The following GRHL3 variants were observed in gnomAD, a reference collection of about 807,000 sequenced individuals.
GRHL3 encodes grainyhead-like protein 3 homolog.
In GRHL3, 20 loss-of-function variants were observed where a neutral mutation model predicts 70.3. That is an observed-to-expected ratio of 0.28 (90% CI 0.20 to 0.41). GRHL3 has a LOEUF of 0.41. Among genes scored for constraint, GRHL3 ranks in the 10% least tolerant of loss-of-function variants. GRHL3 has a pLI of 1.00. For synonymous variants in GRHL3, 299 were observed against 299.9 expected, an observed-to-expected ratio of 1.00 and a Z score of 0.03; for missense variants, 637 against 762.3, an observed-to-expected ratio of 0.84 and a Z score of 1.94.
In GRHL3 at chr1:24,354,322, CT is replaced by C. The variant is rs1640630693; in HGVS notation, c.1695-51del. On this transcript the variant is annotated intron_variant, in intron 15 of 15. Coordinates refer to ENST00000361548, the MANE Select transcript of GRHL3 (RefSeq NM_198173.3). The stretch of plus-strand genomic sequence containing the variant: ...CACTCATCCTGGTCACTCAGAAGGC[CT>C]GAAAACAGGGCGCCTGCTGTGTTCC... 3 of 1,337,230 alleles carry C rather than the reference CT, an allele frequency of 2.2e-6. No individual in the cohort carries two copies. In the South Asian group the frequency reaches 3.6e-5, roughly 16 times the overall value. The allele number at this position is 1,337,230 out of a possible 1,614,324, so 82.8% of individuals were successfully genotyped here. A position where few individuals can be genotyped will look rare whatever the true frequency, so the allele number is the denominator to read the frequency against.
chr1:24,357,891 G>A (rs1013178858), downstream of GRHL3: 21 of 319,354 alleles, frequency 6.6e-5, no homozygotes, highest in East Asian at 1.0e-3. Flanking sequence ...CCCCGGGCCC[G>A]GCCACTGCCA....
At chr1:24,354,180 G>A (rs1485594066) in intron 15 of GRHL3, among the ~76,000 whole-genome samples, 194 bp from the exon 16 acceptor site, 1 of 151,866 alleles carries the variant, frequency 6.6e-6, no homozygotes, top group Non-Finnish European at 1.5e-5. Context: ...TCGGCCACTG[G>A]GCATTGTGCA....
downstream of GRHL3, among the ~76,000 whole-genome samples, chr1:24,359,591 C>T (rs530905064): frequency 1.1e-4 from 17 of 152,306 alleles, no homozygotes; most frequent in African/African-American, 3.4e-4. The surrounding 1 kb of genome is among the most constrained non-coding windows in gnomAD (Gnocchi z 5.3). Context: ...ATGGAGCTGA[C>T]GGCATCTCCC....
At chr1:24,344,849 C>G (rs1354930235) in intron 11 of GRHL3, 48 bp from the exon 12 acceptor site, 2 of 1,612,246 alleles carry the variant, frequency 1.2e-6, no homozygotes, top group African/African-American at 1.3e-5. Context: ...AGGGGCTCCT[C>G]TCATTTTCCT....
Position 24,331,626 on chromosome 1 carries a change from C to G in GRHL3, c.204+14C>G, listed in dbSNP as rs758687551. On this transcript the variant is annotated intron_variant, in intron 2 of 15. Coordinates refer to ENST00000361548, the MANE Select transcript of GRHL3 (RefSeq NM_198173.3). Reference sequence around the variant, plus strand: ...GATTACTACATGGTACGTCTACCCCCTCTGGACATGCCCCGTTTTGACTGA... The same window carrying G: ...GATTACTACATGGTACGTCTACCCCGTCTGGACATGCCCCGTTTTGACTGA... The G allele has an allele frequency of 6.2e-7, 1 of 1,603,346 alleles. No homozygotes were observed. The highest frequency in any genetic ancestry group is 8.5e-7 in the Non-Finnish European group (1 of 1,173,302).
intron 12 of GRHL3, among the ~76,000 whole-genome samples, chr1:24,346,126 C>A (rs957665072): frequency 2.6e-5 from 4 of 151,828 alleles, no homozygotes; most frequent in African/African-American, 9.7e-5. Context: ...TTCCACCCCC[C>A]CACCCCGCCT....
chr1:24,337,057 T>A (rs1639846969), intron 4 of GRHL3, 21 bp from the exon 5 acceptor site: 1 of 1,611,062 alleles, frequency 6.2e-7, no homozygotes, highest in South Asian at 1.1e-5. Context: ...TTTATTCTCT[T>A]GGGGCTGTGT....
chr1:24,350,251 TGGTCAC>T, intron 15 of GRHL3, 129 bp downstream of exon 15: 1 of 654,650 alleles, frequency 1.5e-6, no homozygotes, highest in Middle Eastern at 3.8e-4. Context: ...CCAAAGCCAC[TGGTCAC>T]CTCTCCATCT....
chr1:24,358,526 G>A (rs748457981), downstream of GRHL3: 1 of 1,606,624 alleles, frequency 6.2e-7, no homozygotes, highest in Non-Finnish European at 8.5e-7. Context: ...AGTTCTCCTT[G>A]ACCTTGTGTG....
chr1:24,328,318 T>C (rs911608725), intron 1 of GRHL3, among the ~76,000 whole-genome samples: 1 of 152,210 alleles, frequency 6.6e-6, no homozygotes, highest in Non-Finnish European at 1.5e-5. Flanking sequence ...TAAAAGGAGA[T>C]GATAATTCCT....
At chr1:24,351,448 C>T (rs996888285) in intron 15 of GRHL3, among the ~76,000 whole-genome samples, 8 of 151,992 alleles carry the variant, frequency 5.3e-5, no homozygotes, top group Admixed American at 2.0e-4. Context: ...TAGAGTTTTT[C>T]GTGTGTCTTT....
chr1:24,319,749 T>G, intron 1 of GRHL3, 181 bp downstream of exon 1: 2 of 1,511,932 alleles, frequency 1.3e-6, no homozygotes, highest in Non-Finnish European at 1.8e-6. Context: ...AAGCTAGAGG[T>G]GAGTGTTTCC....
chr1:24,347,418 A>G, intron 13 of GRHL3, 50 bp from the exon 14 acceptor site: 1 of 1,450,754 alleles, frequency 6.9e-7, no homozygotes, highest in Non-Finnish European at 9.7e-7. Context: ...CCCTGAGATG[A>G]TCCTGTTCAC....
Position 24,339,723 on chromosome 1 carries a change from T to C in GRHL3, c.1008T>C (p.Asn336=). The change falls in exon 8 of 16, where the codon AAT becomes AAC. Residue 336 remains asparagine (N), a synonymous_variant. Transcript: ENST00000361548. The stretch of plus-strand genomic sequence containing the variant: ...AGCACATTGAGGAGGTGGCCTATAA[T>C]GCACTGTCCTTTGTGTGGAACGTGA... ...TVEHIEEVAY[N]ALSFVWNVNE... is the part of the protein sequence containing the mutation. 1 of 1,613,496 alleles carries C rather than the reference T, an allele frequency of 6.2e-7. No individual in the cohort carries two copies. Among genetic ancestry groups the C allele is most frequent in the South Asian group, 1.1e-5 (1 of 91,006 alleles).
intron 1 of GRHL3, 133 bp downstream of exon 1, chr1:24,319,701 C>T (rs183543687): frequency 1.9e-5 from 31 of 1,592,324 alleles, no homozygotes; most frequent in African/African-American, 4.0e-5. Context: ...AATGGGCTGA[C>T]GATCTTACTT....
intron 15 of GRHL3, among the ~76,000 whole-genome samples, chr1:24,352,100 C>T (rs1483015752): frequency 6.6e-6 from 1 of 152,108 alleles, no homozygotes; most frequent in East Asian, 1.9e-4. Context: ...CAGCCCTTCA[C>T]AGGCACCCCA....
chr1:24,325,377 C>A (rs1486511110), intron 1 of GRHL3, among the ~76,000 whole-genome samples: 1 of 152,196 alleles, frequency 6.6e-6, no homozygotes, highest in Non-Finnish European at 1.5e-5. Flanking sequence ...CTGCCGTATG[C>A]TGCATGTCCT....
rs12030057 is a variant in GRHL3, at chr1:24,354,425, C to T, written c.1746C>T (p.Val582=). Residue 582 remains valine (V), a synonymous_variant, in exon 16 of 16, where the codon GTC becomes GTT. Transcript: ENST00000361548. ...NNIIQHYSNH[V]AFLLDMGELD... is the part of the protein sequence containing the mutation. ...TCATTCAGCATTACAGCAACCACGT[C>T]GCCTTCCTGCTGGACATGGGGGAGC... The T allele has an allele frequency of 0.27, 439,467 of 1,610,774 alleles. 62,863 individuals are homozygous for T. The highest frequency in any genetic ancestry group is 0.44 in the East Asian group (19,567 of 44,786).
intron 8 of GRHL3, among the ~76,000 whole-genome samples, chr1:24,341,211 G>A (rs144843124): frequency 6.6e-6 from 1 of 152,286 alleles, no homozygotes; most frequent in African/African-American, 2.4e-5. Flanking sequence ...CTGACCCCAG[G>A]CGACCATCAG....
Sources: gnomAD v4.1 joint callset for allele counts (sites outside exome capture counted in the v4.1 genomes callset) on GRCh38, gnomAD v4.1.1 for gene constraint, Gnocchi (gnomAD v3.1) non-coding constraint, MANE v1.5 for transcripts, NCBI Gene and HGNC (gene_info 2026-07-23, HGNC 2026-07-21) for gene names.